FHL3: variants seen among roughly 807,000 people sequenced by gnomAD.
FHL3 encodes the protein four and a half LIM domains protein 3.
A neutral mutation model predicts 34.3 loss-of-function variants in FHL3; 21 were observed. The observed-to-expected ratio is 0.61, with a 90% CI of 0.43 to 0.88. FHL3 has a LOEUF of 0.88. FHL3 is among the 40% of genes least tolerant of loss of function. FHL3 has a pLI of 0.00. For synonymous variants in FHL3, 137 were observed against 144.6 expected (o/e 0.95, Z 0.38); for missense variants, 333 against 373.7 (o/e 0.89, Z 0.90).
In FHL3 at chr1:37,999,476, G is replaced by A. The variant is rs989515307; in HGVS notation, c.-20-44C>T. On this transcript the variant is annotated intron_variant, in intron 1 of 5. Transcript: ENST00000373016. ...GGAACTGGGGTCACACAGAGAGGCTGTGGCTTGGCTCCTGGCAAAGAGGCC... is the reference window on the plus strand; with the variant it reads ...GGAACTGGGGTCACACAGAGAGGCTATGGCTTGGCTCCTGGCAAAGAGGCC... The A allele has an allele frequency of 2.8e-5, 45 of 1,584,742 alleles. 2 individuals are homozygous for A. In the South Asian group the frequency reaches 4.8e-4, roughly 17 times the overall value.
At position 37,999,321 on chromosome 1, in the gene FHL3, C is replaced by G. The variant is rs202088871; in HGVS notation, c.92G>C (p.Cys31Ser). 1 of 1,614,256 alleles carries G rather than the reference C, an allele frequency of 6.2e-7. No individual in the cohort carries two copies. Among genetic ancestry groups the G allele is most frequent in the Admixed American group, 1.7e-5 (1 of 60,030 alleles). The change falls in exon 2 of 6, where the codon TGC becomes TCC. Residue 31 changes from cysteine to serine, a missense_variant. By Grantham distance (112) the Cys-to-Ser change is moderately radical (BLOSUM62 -1). Coordinates refer to ENST00000373016, the MANE Select transcript of FHL3 (RefSeq NM_004468.5). Reference sequence around the variant, plus strand: ...GGTGTTGGCAAAGGTATTGTCATAGCAGGGCACACAGTAGGGGCCGCTGTC... The same window carrying G: ...GGTGTTGGCAAAGGTATTGTCATAGGAGGGCACACAGTAGGGGCCGCTGTC... Reference protein sequence around the residue: ...QTDSGPYCVPCYDNTFANTCA... With the variant: ...QTDSGPYCVPSYDNTFANTCA...
rs539230422 is a variant in FHL3, at chr1:37,998,270, C to T, written c.332-138G>A. ...CGTGCACATGCAGCAAGAACCCCCC[C>T]GCCCTATGTATATTACACATGCTAA... On this transcript the variant is annotated intron_variant, in intron 3 of 5. Transcript: ENST00000373016. The T allele has an allele frequency of 5.7e-4, 396 of 700,700 alleles. 2 individuals carry two copies. Among genetic ancestry groups the T allele is most frequent in the South Asian group, 3.3e-3 (184 of 54,992 alleles). 43.4% of individuals were successfully genotyped at this position (700,700 alleles called of 1,614,324 possible).
chr1:37,998,799 C>A (rs534030814), intron 3 of FHL3, 175 bp downstream of exon 3: 17 of 638,990 alleles, frequency 2.7e-5, no homozygotes, highest in South Asian at 2.4e-4. Flanking sequence ...TCTGCCTGTA[C>A]ATAGTAGCCC....
chr1:38,004,066 G>C (rs1432221829), intron 1 of FHL3, among the ~76,000 whole-genome samples: 1 of 152,036 alleles, frequency 6.6e-6, no homozygotes, highest in African/African-American at 2.4e-5. Flanking sequence ...GGAGACTTAA[G>C]GGGAGAAATC....
Position 37,997,591 on chromosome 1 carries a change from T to C in FHL3, c.689-32A>G. 2 of 1,613,410 alleles carry C rather than the reference T, an allele frequency of 1.2e-6. No homozygotes were observed. Among genetic ancestry groups the C allele is most frequent in the Non-Finnish European group, 1.7e-6 (2 of 1,179,630 alleles). ...GGAGGCTGGAAGTTAGCTATGCAGA[T>C]GTGGGGATGGTCCGGCCCTCAACCT... On this transcript the variant is annotated intron_variant, in intron 5 of 5. Transcript: ENST00000373016. This position sits in a 1 kb window ranked among gnomAD's most constrained non-coding sequence, Gnocchi z 4.3.
chr1:38,004,540 C>T (rs2148732591), intron 1 of FHL3, among the ~76,000 whole-genome samples: 1 of 152,278 alleles, frequency 6.6e-6, no homozygotes, highest in South Asian at 2.1e-4. Flanking sequence ...TGTGTCTGGG[C>T]ACACTTCAGT....
At chr1:38,003,274 TC>T (rs1414621054) in intron 1 of FHL3, among the ~76,000 whole-genome samples, 7 of 152,188 alleles carry the variant, frequency 4.6e-5, no homozygotes, top group African/African-American at 1.4e-4. Context: ...GCTAGGTTTT[TC>T]TATTTTTTGT....
In FHL3 at chr1:37,997,315, C is replaced by A; in HGVS notation, c.*90G>T. ...CCAGAAGGAGACCCATTTTTTTTGG[C>A]GGGGGGAGCTGAGTCCCAGAGGTGG... On this transcript the variant is annotated 3_prime_UTR_variant, in exon 6 of 6. Coordinates refer to ENST00000373016, the MANE Select transcript of FHL3 (RefSeq NM_004468.5). The surrounding 1 kb of genome is among the most constrained non-coding windows in gnomAD (Gnocchi z 4.3). 7.1e-7 allele frequency: 1 copy of A among 1,403,944 alleles called. No homozygotes were observed. Among genetic ancestry groups the A allele is most frequent in the South Asian group, 1.4e-5 (1 of 73,886 alleles). 87.0% of individuals were successfully genotyped at this position (1,403,944 alleles called of 1,614,324 possible).
chr1:37,999,542 T>C, intron 1 of FHL3, 110 bp from the exon 2 acceptor site: 1 of 1,034,366 alleles, frequency 9.7e-7, no homozygotes, highest in South Asian at 1.6e-5. Context: ...GCATAGGAAA[T>C]GCCAGTTCAG....
intron 1 of FHL3, among the ~76,000 whole-genome samples, chr1:38,001,264 C>T (rs1646591173): frequency 6.6e-6 from 1 of 152,240 alleles, no homozygotes; most frequent in Admixed American, 6.5e-5. Flanking sequence ...CCCAGGTTTC[C>T]TCTGGCCCAA....
At chr1:38,000,583 C>T (rs995995842) in intron 1 of FHL3, among the ~76,000 whole-genome samples, 1 of 152,136 alleles carries the variant, frequency 6.6e-6, no homozygotes, top group Non-Finnish European at 1.5e-5. Flanking sequence ...CAGCCCCCGA[C>T]CAAACCTCAG....
chr1:37,999,447 A>G lies in FHL3; in HGVS notation c.-20-15T>C, dbSNP rs745377825. On this transcript the variant is annotated splice_polypyrimidine_tract_variant and intron_variant, in intron 1 of 5. Transcript: ENST00000373016. ...GGGAGAGAACCCTGTTAGGAGCACAAGGTGGAACTGGGGTCACACAGAGAG... is the reference window on the plus strand; with the variant it reads ...GGGAGAGAACCCTGTTAGGAGCACAGGGTGGAACTGGGGTCACACAGAGAG... 14 of 1,611,234 alleles carry G rather than the reference A, an allele frequency of 8.7e-6. No individual in the cohort carries two copies. Among genetic ancestry groups the G allele is most frequent in the South Asian group, 5.5e-5 (5 of 90,840 alleles).
In FHL3 at chr1:37,997,499, G is replaced by C; in HGVS notation, c.749C>G (p.Ser250Cys). The C allele has an allele frequency of 6.2e-7, 1 of 1,612,330 alleles. No individual in the cohort carries two copies. The highest frequency in any genetic ancestry group is 8.5e-7 in the Non-Finnish European group (1 of 1,179,330). Residue 250 changes from serine (S) to cysteine (C), a missense_variant, in exon 6 of 6, where the codon TCC becomes TGC. By Grantham distance (112) the Ser-to-Cys change is moderately radical (BLOSUM62 -1). Coordinates refer to ENST00000373016, the MANE Select transcript of FHL3 (RefSeq NM_004468.5). This position sits in a 1 kb window ranked among gnomAD's most constrained non-coding sequence, Gnocchi z 4.3. ...EDRHWHHNCF[S>C]CARCSTSLVG... is the part of the protein sequence containing the mutation. The stretch of plus-strand genomic sequence containing the variant: ...CAGGGAGGTAGAGCAGCGGGCGCAG[G>C]AGAAGCAGTTGTGGTGCCAGTGTCG...
intron 3 of FHL3, among the ~76,000 whole-genome samples, chr1:37,998,497 C>T (rs1379390685): frequency 1.3e-5 from 2 of 152,098 alleles, no homozygotes; most frequent in Non-Finnish European, 2.9e-5. Flanking sequence ...ATGTACCAGG[C>T]AAGTAAGTAT....
At chr1:38,003,001 T>C (rs1387287637) in intron 1 of FHL3, among the ~76,000 whole-genome samples, 1 of 151,266 alleles carries the variant, frequency 6.6e-6, no homozygotes, top group Non-Finnish European at 1.5e-5. Context: ...CCACTAAAAA[T>C]ACAAAAATTA....
rs529667975 is a variant in FHL3 at position 38,000,885 on chromosome 1, G to A, written c.-20-1453C>T. Among the ~76,000 whole-genome samples the A allele has an allele frequency of 1.8e-4, 28 of 152,256 alleles. 1 individual carries two copies. Among genetic ancestry groups the A allele is most frequent in the Admixed American group, 6.5e-4 (10 of 15,300 alleles). On this transcript the variant is annotated intron_variant, in intron 1 of 5. Coordinates refer to ENST00000373016, the MANE Select transcript of FHL3 (RefSeq NM_004468.5). The stretch of plus-strand genomic sequence containing the variant: ...TGTGGATGAGCCCGGGGAAGTTACA[G>A]GGACACACAAAGGAATCCACCAACC...
chr1:38,005,110 A>G (rs892549716), intron 1 of FHL3, among the ~76,000 whole-genome samples: 29 of 151,434 alleles, frequency 1.9e-4, no homozygotes, highest in Non-Finnish European at 3.5e-4. Flanking sequence ...TTTCAAACTT[A>G]GCCCCCTCCC....
intron 2 of FHL3, 40 bp downstream of exon 2, chr1:37,999,217 G>A: frequency 6.2e-7 from 1 of 1,613,938 alleles, no homozygotes; most frequent in Non-Finnish European, 8.5e-7. Context: ...CCTTCCACTG[G>A]TCACCACCCA....
rs746025611 is a variant in FHL3 at position 37,999,390 on chromosome 1, GCA to G, written c.21_22del (p.Ala8LysfsTer25). 1.9e-6 allele frequency: 3 copies of G among 1,614,096 alleles called. No homozygotes were observed. Among genetic ancestry groups the G allele is most frequent in the South Asian group, 1.1e-5 (1 of 91,088 alleles). ...TCCATACAGGGACTCGTTGCATTTTGCACAGTCAAATGACTCGCTCATGGTGG... is the reference window on the plus strand; with the variant it reads ...TCCATACAGGGACTCGTTGCATTTTGCAGTCAAATGACTCGCTCATGGTGG... On this transcript the variant is annotated frameshift_variant, in exon 2 of 6. Transcript: ENST00000373016. LOFTEE classifies it high-confidence loss of function.
Sources: allele counts gnomAD v4.1 joint callset (sites outside exome capture counted in the v4.1 genomes callset), GRCh38; gene constraint gnomAD v4.1.1; non-coding constraint Gnocchi (gnomAD v3.1); transcripts MANE v1.5; gene names NCBI Gene and HGNC (gene_info 2026-07-23, HGNC 2026-07-21).